The following SLC16A10 variants were observed in gnomAD, a reference collection of about 807,000 sequenced individuals.
SLC16A10 encodes monocarboxylate transporter 10.
In SLC16A10, 27 loss-of-function variants were observed where a neutral mutation model predicts 40.0. The observed-to-expected ratio is 0.67, with a 90% confidence interval of 0.50 to 0.93. SLC16A10 has a LOEUF of 0.93. Among genes scored for constraint, SLC16A10 ranks in the 40% least tolerant of loss-of-function variants. The pLI is 0.00. For missense variants in SLC16A10, 529 were observed against 658.2 expected (o/e 0.80, Z 2.15); for synonymous variants, 213 against 249.8 (o/e 0.85, Z 1.39).
intron 3 of SLC16A10, among the ~76,000 whole-genome samples, chr6:111,183,603 C>T (rs1772843171): frequency 1.3e-5 from 2 of 152,172 alleles, no homozygotes; most frequent in African/African-American, 4.8e-5. Flanking sequence ...TGATTTTTCA[C>T]ATTCTGTACT....
intron 1 of SLC16A10, among the ~76,000 whole-genome samples, chr6:111,132,323 A>G (rs532904403): frequency 3.3e-5 from 5 of 152,352 alleles, no homozygotes; most frequent in African/African-American, 1.2e-4. Context: ...AAGCCAGAGT[A>G]AATTTAAAAC....
intron 1 of SLC16A10, among the ~76,000 whole-genome samples, chr6:111,135,661 G>A (rs1042650256): frequency 2.0e-5 from 3 of 152,158 alleles, no homozygotes; most frequent in Admixed American, 1.3e-4. Flanking sequence ...CACCTGGACT[G>A]TTTTACCCCA....
At chr6:111,169,400 G>A (rs759157720) in intron 1 of SLC16A10, among the ~76,000 whole-genome samples, 40 of 152,230 alleles carry the variant, frequency 2.6e-4, no homozygotes, top group Admixed American at 5.9e-4. Context: ...ACCCATGAAA[G>A]TGCATCTGAG....
chr6:111,135,179 C>G (rs113916132), intron 1 of SLC16A10, among the ~76,000 whole-genome samples: 1,838 of 152,224 alleles, frequency 0.012, 26 homozygotes, highest in African/African-American at 0.043. Flanking sequence ...ATTTGTTGTC[C>G]CCTGCTGGAG....
chr6:111,211,059 G>A (rs1773339479), intron 4 of SLC16A10, among the ~76,000 whole-genome samples: 1 of 151,850 alleles, frequency 6.6e-6, no homozygotes, highest in Non-Finnish European at 1.5e-5. Context: ...CTTTGTTGGA[G>A]GACGTAGGTC....
intron 1 of SLC16A10, among the ~76,000 whole-genome samples, chr6:111,098,367 G>A (rs1437965282): frequency 2.0e-5 from 3 of 152,044 alleles, no homozygotes; most frequent in African/African-American, 7.2e-5. Context: ...AGAACAGCCT[G>A]GGCAACATAG....
rs1166069646 is a variant in SLC16A10, at chr6:111,100,984, CTCTCTCTCTATA to C, written c.343+12891_343+12902del. Among the ~76,000 whole-genome samples, 211 of 103,252 alleles carry C rather than the reference CTCTCTCTCTATA, an allele frequency of 2.0e-3. 2 individuals are homozygous for C. The highest frequency in any genetic ancestry group is 3.3e-3 in the African/African-American group (77 of 23,044). 67.7% of individuals were successfully genotyped at this position (103,252 alleles called of 152,430 possible). A position where few individuals can be genotyped will look rare whatever the true frequency, so the allele number is the denominator to read the frequency against. ...CCTCTCTCTCTCTCTCTCTCTCTCT[CTCTCTCTCTATA>C]TATATATATATATATATATATAAAT... On this transcript the variant is annotated intron_variant, in intron 1 of 5. Coordinates refer to ENST00000368851, the MANE Select transcript of SLC16A10 (RefSeq NM_018593.5).
At chr6:111,217,144 C>T (rs1445885873) in intron 4 of SLC16A10, among the ~76,000 whole-genome samples, 2 of 152,254 alleles carry the variant, frequency 1.3e-5, no homozygotes. Context: ...GTTCTGTTCA[C>T]AGCCTGCTGC....
At chr6:111,173,002 C>T (rs1466322530) in intron 2 of SLC16A10, among the ~76,000 whole-genome samples, 163 bp downstream of exon 2, 1 of 152,180 alleles carries the variant, frequency 6.6e-6, no homozygotes, top group African/African-American at 2.4e-5. Context: ...AGCAGCAAAT[C>T]AGAGCTTGAG....
intron 1 of SLC16A10, among the ~76,000 whole-genome samples, chr6:111,101,404 T>A (rs1452953752): frequency 6.6e-6 from 1 of 152,036 alleles, no homozygotes; most frequent in Admixed American, 6.6e-5. Flanking sequence ...AGTAATCTGG[T>A]ACAGACACCT....
At chr6:111,093,557 T>C (rs1028254270) in intron 1 of SLC16A10, among the ~76,000 whole-genome samples, 6 of 152,226 alleles carry the variant, frequency 3.9e-5, no homozygotes, top group African/African-American at 1.4e-4. Flanking sequence ...ACCTAGATTA[T>C]AGGAAATTTT....
At chr6:111,102,127 A>G (rs528396617) in intron 1 of SLC16A10, among the ~76,000 whole-genome samples, 1 of 152,326 alleles carries the variant, frequency 6.6e-6, no homozygotes, top group Non-Finnish European at 1.5e-5. Flanking sequence ...CATATGTAGC[A>G]TATCTGTATA....
intron 1 of SLC16A10, among the ~76,000 whole-genome samples, chr6:111,165,136 C>T (rs1464547489): frequency 6.6e-6 from 1 of 152,194 alleles, no homozygotes; most frequent in Non-Finnish European, 1.5e-5. Context: ...TGGAGCCCTT[C>T]AAGAGCAGGG....
At position 111,221,862 on chromosome 6, in the gene SLC16A10, A is replaced by G. The variant is rs1163675498; in HGVS notation, c.1316-141A>G. 4 of 660,010 alleles carry G rather than the reference A, an allele frequency of 6.1e-6. 1 individual carries two copies. The highest frequency in any genetic ancestry group is 9.8e-6 in the Non-Finnish European group (4 of 409,040). 40.9% of individuals were successfully genotyped at this position (660,010 alleles called of 1,614,324 possible). A position where few individuals can be genotyped will look rare whatever the true frequency, so the allele number is the denominator to read the frequency against. On this transcript the variant is annotated intron_variant, in intron 5 of 5. Coordinates refer to ENST00000368851, the MANE Select transcript of SLC16A10 (RefSeq NM_018593.5). The stretch of plus-strand genomic sequence containing the variant: ...ATGAGATCTTTTTCTTCCTATCAAA[A>G]AGGGTTTATATTTCAGATCTGTTTC...
At chr6:111,200,641 T>A (rs1229382927) in intron 3 of SLC16A10, among the ~76,000 whole-genome samples, 3 of 152,340 alleles carry the variant, frequency 2.0e-5, no homozygotes, top group African/African-American at 7.2e-5. Context: ...TTTCTGTTCA[T>A]CCTACTTTTA....
intron 1 of SLC16A10, among the ~76,000 whole-genome samples, chr6:111,126,066 CTG>C (rs77732196): frequency 0.093 from 14,213 of 152,128 alleles, 769 homozygotes; most frequent in East Asian, 0.24. Flanking sequence ...ATGTTTATAT[CTG>C]TGTAATACTC....
At chr6:111,137,855 C>G (rs992919227) in intron 1 of SLC16A10, among the ~76,000 whole-genome samples, 1 of 152,174 alleles carries the variant, frequency 6.6e-6, no homozygotes, top group Non-Finnish European at 1.5e-5. Flanking sequence ...GTAGCTCACA[C>G]CCGACCAATG....
intron 1 of SLC16A10, among the ~76,000 whole-genome samples, chr6:111,104,542 A>T (rs755281940): frequency 5.9e-5 from 9 of 152,204 alleles, no homozygotes; most frequent in Non-Finnish European, 1.0e-4. Context: ...GCCCTAGATG[A>T]TGTCATGGAC....
At chr6:111,206,487 C>T in intron 3 of SLC16A10, 105 bp from the exon 4 acceptor site, 2 of 1,209,380 alleles carry the variant, frequency 1.7e-6, no homozygotes, top group Non-Finnish European at 1.2e-6. Context: ...GAAAAAGTTG[C>T]AAGCCCATAA....
Sources: allele counts gnomAD v4.1 joint callset (sites outside exome capture counted in the v4.1 genomes callset), GRCh38; gene constraint gnomAD v4.1.1; transcripts MANE v1.5; gene names NCBI Gene and HGNC (gene_info 2026-07-23, HGNC 2026-07-21).